The following SEMA3C variants were observed in gnomAD, a reference collection of about 807,000 sequenced individuals.
SEMA3C encodes semaphorin-3C.
A neutral mutation model predicts 89.4 loss-of-function variants in SEMA3C; 47 were observed. The observed-to-expected ratio is 0.53, with a 90% CI of 0.42 to 0.67. The LOEUF (loss-of-function observed/expected upper bound fraction) is 0.67, where lower values mean the gene tolerates loss of function less well. SEMA3C is among the 30% of genes least tolerant of loss of function. SEMA3C has a pLI of 0.00. For missense variants in SEMA3C, 839 were observed against 929.1 expected, an observed-to-expected ratio of 0.90 and a Z score of 1.26; for synonymous variants, 310 against 320.2, an observed-to-expected ratio of 0.97 and a Z score of 0.34.
chr7:80,789,780 T>C (rs1788892518), intron 11 of SEMA3C, among the ~76,000 whole-genome samples: 1 of 152,222 alleles, frequency 6.6e-6, no homozygotes, highest in African/African-American at 2.4e-5. Context: ...TGATGCCATC[T>C]TGTATATGAG....
chr7:80,798,648 A>G (rs1374197381), intron 10 of SEMA3C, among the ~76,000 whole-genome samples: 3 of 152,184 alleles, frequency 2.0e-5, no homozygotes, highest in East Asian at 3.8e-4. Flanking sequence ...ATTGAACACC[A>G]TATCTTTTTG....
At chr7:80,796,138 T>C (rs1474293121) in intron 11 of SEMA3C, among the ~76,000 whole-genome samples, 2 of 152,208 alleles carry the variant, frequency 1.3e-5, no homozygotes, top group Non-Finnish European at 1.5e-5. Context: ...AAAGAATCAC[T>C]GATGAAAGCA....
chr7:80,844,569 T>C (rs1164218723), intron 2 of SEMA3C, among the ~76,000 whole-genome samples: 1 of 152,104 alleles, frequency 6.6e-6, no homozygotes, highest in Non-Finnish European at 1.5e-5. Context: ...TAAAGTAAAT[T>C]AATAAATTAA....
At chr7:80,816,689 A>G (rs1789615183) in intron 5 of SEMA3C, among the ~76,000 whole-genome samples, 1 of 152,218 alleles carries the variant, frequency 6.6e-6, no homozygotes, top group South Asian at 2.1e-4. Flanking sequence ...AACCCTGTTC[A>G]TACCTAAATT....
At chr7:80,868,547 G>A (rs1790983340) in intron 2 of SEMA3C, among the ~76,000 whole-genome samples, 1 of 152,144 alleles carries the variant, frequency 6.6e-6, no homozygotes. Flanking sequence ...GGGATTACAG[G>A]TGTGAGCCAC....
chr7:80,842,474 C>T (rs1790292044), intron 2 of SEMA3C, among the ~76,000 whole-genome samples: 1 of 152,082 alleles, frequency 6.6e-6, no homozygotes, highest in Non-Finnish European at 1.5e-5. Context: ...AATGCTGCTA[C>T]CCCATTGAGA....
intron 11 of SEMA3C, among the ~76,000 whole-genome samples, chr7:80,790,842 G>C (rs1788920647): frequency 1.3e-5 from 2 of 152,056 alleles, no homozygotes; most frequent in African/African-American, 4.8e-5. Flanking sequence ...TCTCCCTATA[G>C]AATGTAAGCT....
chr7:80,827,811 C>G (rs939051592), intron 3 of SEMA3C, among the ~76,000 whole-genome samples: 5 of 151,802 alleles, frequency 3.3e-5, no homozygotes, highest in Non-Finnish European at 7.4e-5. Flanking sequence ...GTACACTTTT[C>G]CCAACTGCTT....
chr7:80,839,163 C>G (rs1790206520), intron 2 of SEMA3C, among the ~76,000 whole-genome samples: 1 of 152,088 alleles, frequency 6.6e-6, no homozygotes, highest in Admixed American at 6.6e-5. Flanking sequence ...AGAATAAAAT[C>G]TGAACTTATC....
intron 12 of SEMA3C, among the ~76,000 whole-genome samples, chr7:80,788,941 C>G (rs1260326853): frequency 1.3e-5 from 2 of 152,110 alleles, no homozygotes; most frequent in Middle Eastern, 3.4e-3. Context: ...TCCATTGAGA[C>G]AAGAAGAAGT....
chr7:80,847,400 G>A (rs961607230), intron 2 of SEMA3C: 13 of 152,198 alleles, frequency 8.5e-5, no homozygotes, highest in Middle Eastern at 3.4e-3. Context: ...ATTCAGCCAC[G>A]CAAATACAAG....
Position 80,805,770 on chromosome 7 carries a change from A to C in SEMA3C, c.539-12T>G. 1 of 1,567,096 alleles carries C rather than the reference A, an allele frequency of 6.4e-7. No homozygotes were observed. The highest frequency in any genetic ancestry group is 8.7e-7 in the Non-Finnish European group (1 of 1,151,514). On this transcript the variant is annotated splice_polypyrimidine_tract_variant and intron_variant, in intron 6 of 17. Transcript: ENST00000265361. ...GAAAAGCTCCTCATCTATGAAAAAG[A>C]AAATATCAATGAAATGTAAATTTTT...
chr7:80,788,790 C>T (rs930329625), intron 12 of SEMA3C, among the ~76,000 whole-genome samples: 1 of 152,070 alleles, frequency 6.6e-6, no homozygotes, highest in Admixed American at 6.6e-5. Context: ...TAGAAAATGG[C>T]TTCATGTATT....
intron 2 of SEMA3C, among the ~76,000 whole-genome samples, chr7:80,888,229 A>G (rs1264933256): frequency 6.6e-6 from 1 of 152,082 alleles, no homozygotes; most frequent in African/African-American, 2.4e-5. Context: ...CCTGGGCAAC[A>G]TGGCAAAACC....
chr7:80,753,534 G>A (rs189624294), intron 15 of SEMA3C, among the ~76,000 whole-genome samples: 273 of 152,210 alleles, frequency 1.8e-3, no homozygotes, highest in South Asian at 5.0e-3. Flanking sequence ...CATTGTTATG[G>A]CTTGGCTTAA....
chr7:80,897,691 G>A (rs1791773111), intron 2 of SEMA3C, among the ~76,000 whole-genome samples: 1 of 152,150 alleles, frequency 6.6e-6, no homozygotes, highest in African/African-American at 2.4e-5. Context: ...TTGACTGCAA[G>A]GTTTGATACT....
chr7:80,751,514 T>TGG (rs367970249), intron 15 of SEMA3C, among the ~76,000 whole-genome samples, 178 bp from the exon 16 acceptor site: 1 of 145,996 alleles, frequency 6.8e-6, no homozygotes, highest in Non-Finnish European at 1.5e-5. Flanking sequence ...TTATCAATAA[T>TGG]GAGGGGGGGT....
At chr7:80,780,359 T>G (rs1788663858) in intron 12 of SEMA3C, among the ~76,000 whole-genome samples, 1 of 152,232 alleles carries the variant, frequency 6.6e-6, no homozygotes, top group African/African-American at 2.4e-5. Flanking sequence ...ATCTTTGTGA[T>G]ATATTACTAT....
chr7:80,825,179 G>A (rs929568185), intron 4 of SEMA3C, among the ~76,000 whole-genome samples: 1 of 152,086 alleles, frequency 6.6e-6, no homozygotes, highest in African/African-American at 2.4e-5. Flanking sequence ...TCTGCTACAG[G>A]ACTTTTTTTT....
Sources: allele counts gnomAD v4.1 joint callset (sites outside exome capture counted in the v4.1 genomes callset), GRCh38; gene constraint gnomAD v4.1.1; transcripts MANE v1.5; gene names NCBI Gene and HGNC (gene_info 2026-07-23, HGNC 2026-07-21).